CMTM4: variants seen among roughly 807,000 people sequenced by gnomAD.
CMTM4 encodes the protein CKLF-like MARVEL transmembrane domain-containing protein 4.
Under a neutral mutation model 19.0 loss-of-function variants are expected in CMTM4, and 8 were observed. That is an observed-to-expected ratio of 0.42 (90% CI 0.25 to 0.76). The LOEUF is 0.76. Ranked by LOEUF, CMTM4 falls within the 30% of genes least tolerant of loss-of-function variation. CMTM4 has a pLI of 0.27. For missense variants in CMTM4, 228 were observed against 290.2 expected (o/e 0.79, Z 1.56); for synonymous variants, 106 against 121.1 (o/e 0.88, Z 0.82).
In CMTM4 at chr16:66,636,556, C is replaced by T; in HGVS notation, c.212G>A (p.Cys71Tyr). The T allele has an allele frequency of 1.2e-6, 2 of 1,614,122 alleles. No individual in the cohort carries two copies. The highest frequency in any genetic ancestry group is 1.1e-5 in the South Asian group (1 of 91,074). The change falls in exon 2 of 4, where the codon TGC (cysteine) becomes TAC (tyrosine). Residue 71 changes from cysteine to tyrosine, a missense_variant. By Grantham distance (194) the Cys-to-Tyr change is radical. Coordinates refer to ENST00000394106, the MANE Select transcript of CMTM4 (RefSeq NM_181521.3). ...GGAGCATGCCATGATGGTCTCTATG[C>T]AGATGAATGCAATCAGGGCCAAGAT... is the stretch of plus-strand genomic sequence containing the variant. ...QVILALIAFICIETIMACSPC... is the reference protein window; with the variant it reads ...QVILALIAFIYIETIMACSPC...
rs1163169571 is a variant in CMTM4 at position 66,696,609 on chromosome 16, C to T, written c.-84G>A. The T allele has an allele frequency of 7.8e-6, 5 of 644,224 alleles. No homozygotes were observed. Among genetic ancestry groups the T allele is most frequent in the African/African-American group, 2.3e-5 (1 of 42,658 alleles). The allele number at this position is 644,224 out of a possible 1,614,324, so 39.9% of individuals were successfully genotyped here. On this transcript the variant is annotated 5_prime_UTR_variant, in exon 1 of 4. Transcript: ENST00000394106. The surrounding 1 kb of genome is among the most constrained non-coding windows in gnomAD (Gnocchi z 4.3). Reference sequence around the variant, plus strand: ...ACTCAGCGGGGCCGCCGCATCGCCGCCGCCGCCGCCGCCGCCGCCGCCCGA... The same window carrying T: ...ACTCAGCGGGGCCGCCGCATCGCCGTCGCCGCCGCCGCCGCCGCCGCCCGA...
At chr16:66,611,509 G>A (rs1024264798), downstream of CMTM4, among the ~76,000 whole-genome samples, 4 of 152,140 alleles carry the variant, frequency 2.6e-5, no homozygotes, top group Non-Finnish European at 4.4e-5. Context: ...CCCAGGAACC[G>A]GAGTGAGGGA....
chr16:66,632,810 C>T (rs888646502), intron 2 of CMTM4, among the ~76,000 whole-genome samples: 4 of 152,144 alleles, frequency 2.6e-5, no homozygotes, highest in South Asian at 2.1e-4. Context: ...TCGCCAGGCA[C>T]GGTGGGTCAC....
chr16:66,633,639 G>A (rs544849692), intron 2 of CMTM4, among the ~76,000 whole-genome samples: 6 of 151,950 alleles, frequency 3.9e-5, no homozygotes, highest in African/African-American at 1.2e-4. Flanking sequence ...CCAACGTGGC[G>A]AAACCTCGTC....
rs775272648 is a variant in CMTM4 at position 66,696,314 on chromosome 16, C to T, written c.186+26G>A. 3.8e-6 allele frequency: 5 copies of T among 1,303,890 alleles called. No homozygotes were observed. Among genetic ancestry groups the T allele is most frequent in the Non-Finnish European group, 4.9e-6 (5 of 1,028,986 alleles). 80.8% of individuals were successfully genotyped at this position (1,303,890 alleles called of 1,614,324 possible). On this transcript the variant is annotated intron_variant, in intron 1 of 3. Coordinates refer to ENST00000394106, the MANE Select transcript of CMTM4 (RefSeq NM_181521.3). The surrounding 1 kb of genome is among the most constrained non-coding windows in gnomAD (Gnocchi z 4.3). Reference sequence around the variant, plus strand: ...GGCGTGCGGCTAGGCCGCCCTCGGGCACCTGGGGCCCCGCCCGGCACCTAC... The same window carrying T: ...GGCGTGCGGCTAGGCCGCCCTCGGGTACCTGGGGCCCCGCCCGGCACCTAC...
chr16:66,646,363 T>C (rs1238054047), intron 1 of CMTM4, among the ~76,000 whole-genome samples: 2 of 152,178 alleles, frequency 1.3e-5, no homozygotes, highest in Admixed American at 6.5e-5. Flanking sequence ...TATTCATACA[T>C]ATATGTATTT....
chr16:66,608,487 G>A, the CMTM4 span: 1 of 1,611,910 alleles, frequency 6.2e-7, no homozygotes, highest in Non-Finnish European at 8.5e-7. This position sits in a 1 kb window ranked among gnomAD's most constrained non-coding sequence, Gnocchi z 5.1. Context: ...GCCCCAGGAG[G>A]GAGGGGTGCC....
intron 2 of CMTM4, among the ~76,000 whole-genome samples, chr16:66,625,482 A>C (rs1335575502): frequency 6.6e-6 from 1 of 152,130 alleles, no homozygotes; most frequent in Non-Finnish European, 1.5e-5. Flanking sequence ...CAAAAATTTT[A>C]AAGTTGTAGG....
At chr16:66,638,726 G>A (rs1382216116) in intron 1 of CMTM4, among the ~76,000 whole-genome samples, 1 of 152,114 alleles carries the variant, frequency 6.6e-6, no homozygotes, top group African/African-American at 2.4e-5. Flanking sequence ...GGACATGGTG[G>A]TGGGCGCCTG....
the CMTM4 span, among the ~76,000 whole-genome samples, chr16:66,600,530 G>C: frequency 6.6e-6 from 1 of 152,056 alleles, no homozygotes; most frequent in Non-Finnish European, 1.5e-5. Flanking sequence ...GGAATTGTCC[G>C]TAAAATCCAA....
intron 1 of CMTM4, among the ~76,000 whole-genome samples, chr16:66,669,013 A>G (rs988425135): frequency 2.0e-5 from 3 of 152,190 alleles, no homozygotes; most frequent in African/African-American, 7.2e-5. Flanking sequence ...AAAAACCTAC[A>G]TTCACAGAAA....
At chr16:66,641,860 C>G (rs2016101885) in intron 1 of CMTM4, among the ~76,000 whole-genome samples, 1 of 152,172 alleles carries the variant, frequency 6.6e-6, no homozygotes, top group Non-Finnish European at 1.5e-5. Context: ...TATTATATAT[C>G]TTATTTTCCA....
intron 2 of CMTM4, among the ~76,000 whole-genome samples, chr16:66,631,816 G>C (rs908476204): frequency 1.3e-5 from 2 of 152,114 alleles, no homozygotes; most frequent in South Asian, 2.1e-4. Context: ...GGTCCTCTGC[G>C]TAGGAAAACC....
the CMTM4 span, among the ~76,000 whole-genome samples, chr16:66,606,108 T>G: frequency 6.6e-6 from 1 of 151,272 alleles, no homozygotes; most frequent in Non-Finnish European, 1.5e-5. Context: ...GCCCAGCAGA[T>G]GTCAGGAATC....
chr16:66,658,820 A>C (rs1555500603), intron 1 of CMTM4, among the ~76,000 whole-genome samples: 1 of 152,116 alleles, frequency 6.6e-6, no homozygotes, highest in Non-Finnish European at 1.5e-5. Context: ...AGGGAGGAAG[A>C]ATGGCTGATC....
In CMTM4 at chr16:66,617,426, A is replaced by T; in HGVS notation, c.*4632T>A. 1 of 1,561,466 alleles carries T rather than the reference A, an allele frequency of 6.4e-7. No individual in the cohort carries two copies. Among genetic ancestry groups the T allele is most frequent in the African/African-American group, 1.4e-5 (1 of 73,560 alleles). ...CAAATGGAAAAAGAATATATTCCAGACAAAAGAAGGGAAAATACAATAGGA... is the reference window on the plus strand; with the variant it reads ...CAAATGGAAAAAGAATATATTCCAGTCAAAAGAAGGGAAAATACAATAGGA... On this transcript the variant is annotated 3_prime_UTR_variant, in exon 4 of 4. Transcript: ENST00000394106.
downstream of CMTM4, chr16:66,612,698 G>A: frequency 6.4e-7 from 1 of 1,560,298 alleles, no homozygotes; most frequent in Non-Finnish European, 8.8e-7. The surrounding 1 kb of genome is among the most constrained non-coding windows in gnomAD (Gnocchi z 6.0). Context: ...CGCCTCACAG[G>A]GGTCGCTGGC....
chr16:66,668,262 G>A (rs545824128), intron 1 of CMTM4, among the ~76,000 whole-genome samples: 1 of 151,584 alleles, frequency 6.6e-6, no homozygotes, highest in South Asian at 2.1e-4. Flanking sequence ...TCCCACCTCA[G>A]CCCCCCAGAG....
intron 2 of CMTM4, among the ~76,000 whole-genome samples, chr16:66,635,375 T>C (rs2015970693): frequency 1.3e-5 from 2 of 152,246 alleles, no homozygotes. Flanking sequence ...TTTCCTCCTT[T>C]AGGAGTCTGT....
Sources: gnomAD v4.1 joint callset for allele counts (sites outside exome capture counted in the v4.1 genomes callset) on GRCh38, gnomAD v4.1.1 for gene constraint, Gnocchi (gnomAD v3.1) non-coding constraint, MANE v1.5 for transcripts, NCBI Gene and HGNC (gene_info 2026-07-23, HGNC 2026-07-21) for gene names.